Variants in SLC25A6 observed in about 807,000 individuals in gnomAD.
SLC25A6 encodes the protein ADP/ATP translocase 3.
Under a neutral mutation model 25.7 loss-of-function variants are expected in SLC25A6, and 9 were observed. The ratio of observed to expected loss-of-function variants is 0.35; its 90% CI spans 0.21 to 0.61. The LOEUF is 0.61. SLC25A6 is among the 20% of genes least tolerant of loss of function. The pLI is 0.76. For synonymous variants in SLC25A6, 223 were observed against 197.0 expected, an observed-to-expected ratio of 1.13 and a Z score of -1.11; for missense variants, 404 against 440.5, an observed-to-expected ratio of 0.92 and a Z score of 0.74.
At position 1,389,054 on chromosome X, in the gene SLC25A6, GAC is replaced by G. The variant is rs1197313472; in HGVS notation, c.598+185_598+186del. 2.0e-5 allele frequency among the ~76,000 whole-genome samples: 3 copies of G among 151,682 alleles called. No homozygotes were observed. In the South Asian group the frequency reaches 6.2e-4, roughly 31 times the overall value. On this transcript the variant is annotated intron_variant, in intron 2 of 3. Coordinates refer to ENST00000381401, the MANE Select transcript of SLC25A6 (RefSeq NM_001636.4). ...CATAAGAAGAGAGGATGAGGACACA[GAC>G]ACACACAGAGGGATGATGCTGTGAG...
At chrX:1,389,932 G>C (rs1164262216) in intron 1 of SLC25A6, among the ~76,000 whole-genome samples, 1 of 151,906 alleles carries the variant, frequency 6.6e-6, no homozygotes, top group East Asian at 1.9e-4. Context: ...TAATTTTTTT[G>C]CTTATTTAGT....
rs769705864 is a variant in SLC25A6 at position 1,389,448 on chromosome X, C to T, written c.391G>A (p.Val131Met). ...GTTCTGGCGAAATCCAGCGGGTACA[C>T]GAAGCAGAGGGAGGTCGCGCCGGCC... ...GAAGATSLCF[V>M]YPLDFARTRL... The change falls in exon 2 of 4, where the codon GTG becomes ATG. Residue 131 changes from valine to methionine, a missense_variant. Physicochemically the swap from Val to Met is conservative, Grantham distance 21 (BLOSUM62 1). Transcript: ENST00000381401. 11 of 1,613,874 alleles carry T rather than the reference C, an allele frequency of 6.8e-6. No individual in the cohort carries two copies. Among genetic ancestry groups the T allele is most frequent in the Non-Finnish European group, 8.5e-6 (10 of 1,179,916 alleles).
intron 1 of SLC25A6, among the ~76,000 whole-genome samples, chrX:1,390,032 G>C (rs765867085): frequency 6.6e-6 from 1 of 152,010 alleles, no homozygotes; most frequent in East Asian, 1.9e-4. Context: ...TTTTTAAAAA[G>C]ACAAGGTCTC....
chrX:1,389,809 T>C, intron 1 of SLC25A6, 82 bp from the exon 2 acceptor site: 1 of 1,557,884 alleles, frequency 6.4e-7, no homozygotes, highest in South Asian at 1.2e-5. Flanking sequence ...ATCCTTTTTT[T>C]GACACAAGTC....
At chrX:1,387,839 G>A (rs1569529132) in intron 2 of SLC25A6, among the ~76,000 whole-genome samples, 1 of 152,140 alleles carries the variant, frequency 6.6e-6, no homozygotes, top group Admixed American at 6.5e-5. Flanking sequence ...ACTAAAGGAG[G>A]CCAGTAGGGT....
rs11550234 is a variant in SLC25A6, at chrX:1,391,944, G to C, written c.66C>G (p.Ser22=). Residue 22 remains serine, a synonymous_variant, in exon 1 of 4, where the codon TCC becomes TCG. Transcript: ENST00000381401. ...FLAGGIAAAI[S]KTAVAPIERV... ...GCTCGATCGGAGCCACGGCCGTCTT[G>C]GAGATGGCGGCGGCGATGCCTCCGG... 3 of 1,609,902 alleles carry C rather than the reference G, an allele frequency of 1.9e-6. No individual in the cohort carries two copies. In the South Asian group the frequency reaches 3.3e-5, roughly 18 times the overall value.
intron 1 of SLC25A6, among the ~76,000 whole-genome samples, chrX:1,391,651 T>A (rs2089413786): frequency 6.6e-6 from 1 of 152,212 alleles, no homozygotes; most frequent in Non-Finnish European, 1.5e-5. Flanking sequence ...TCAGCGCGCA[T>A]GCGCCCTCCA....
rs778598777 is a variant in SLC25A6, at chrX:1,389,339, G to A, written c.500C>T (p.Ser167Phe). The change falls in exon 2 of 4, where the codon TCC (serine) becomes TTC (phenylalanine). Residue 167 changes from serine to phenylalanine, a missense_variant. By Grantham distance (155) the Ser-to-Phe change is radical. Coordinates refer to ENST00000381401, the MANE Select transcript of SLC25A6 (RefSeq NM_001636.4). ...CTGGTACAGGCCCCGGATGCCGTCG[G>A]ACTTGGTGATCTTCACCAGGCAGTC... ...LGDCLVKITK[S>F]DGIRGLYQGF... is the part of the protein sequence containing the mutation. The A allele has an allele frequency of 1.2e-6, 2 of 1,613,838 alleles. No homozygotes were observed. The highest frequency in any genetic ancestry group is 1.1e-5 in the South Asian group (1 of 91,070).
intron 1 of SLC25A6, among the ~76,000 whole-genome samples, chrX:1,390,562 GGAGA>G (rs1281147434): frequency 6.6e-6 from 1 of 151,138 alleles, no homozygotes; most frequent in East Asian, 1.9e-4. Flanking sequence ...TGGGCGACAG[GGAGA>G]GACTCCATCT....
At position 1,386,720 on chromosome X, in the gene SLC25A6, TTCC is replaced by T; in HGVS notation, c.776_778del (p.Arg259del). The T allele has an allele frequency of 6.2e-7, 1 of 1,612,454 alleles. No homozygotes were observed. Among genetic ancestry groups the T allele is most frequent in the Non-Finnish European group, 8.5e-7 (1 of 1,179,082 alleles). Reference sequence around the variant, plus strand: ...CTTGCCCCCCTCATCTCTGAAGATCTTCCTCCAACAGTCGACGGTGCCCGTGTA... The same window carrying T: ...CTTGCCCCCCTCATCTCTGAAGATCTTCCAACAGTCGACGGTGCCCGTGTA... On this transcript the variant is annotated inframe_deletion, in exon 4 of 4. Transcript: ENST00000381401.
rs746964954 is a variant in SLC25A6 at position 1,387,390 on chromosome X, T to C, written c.628A>G (p.Ile210Val). 14 of 1,613,042 alleles carry C rather than the reference T, an allele frequency of 8.7e-6. No individual in the cohort carries two copies. Among genetic ancestry groups the C allele is most frequent in the African/African-American group, 2.7e-5 (2 of 74,912 alleles). ...TGCGCGATCATCCAGCTCACCACGA[T>C]GTGCGTGTTCTTGGGGTCGGGGAGC... ...GMLPDPKNTH[I>V]VVSWMIAQTV... The change falls in exon 3 of 4, where the codon ATC becomes GTC. Residue 210 changes from isoleucine (I) to valine (V), a missense_variant. Ile to Val is a conservative substitution (Grantham distance 29). Coordinates refer to ENST00000381401, the MANE Select transcript of SLC25A6 (RefSeq NM_001636.4).
Position 1,387,547 on chromosome X carries a change from T to G in SLC25A6, c.599-128A>C, listed in dbSNP as rs1462149318. On this transcript the variant is annotated intron_variant, in intron 2 of 3. Transcript: ENST00000381401. ...CTCTTCCGAGACCACCAGTGCCCCCTCCACGTGGCTGCTCAGTGCCAGCTG... is the reference window on the plus strand; with the variant it reads ...CTCTTCCGAGACCACCAGTGCCCCCGCCACGTGGCTGCTCAGTGCCAGCTG... The G allele has an allele frequency of 4.0e-5, 54 of 1,337,634 alleles. 1 individual carries two copies. Among genetic ancestry groups the G allele is most frequent in the Non-Finnish European group, 5.4e-5 (53 of 982,380 alleles). 82.9% of individuals were successfully genotyped at this position (1,337,634 alleles called of 1,614,324 possible).
chrX:1,392,113 G>C lies in SLC25A6; in HGVS notation c.-104C>G. 1.2e-6 allele frequency: 1 copy of C among 829,470 alleles called. No individual in the cohort carries two copies. Among genetic ancestry groups the C allele is most frequent in the Non-Finnish European group, 1.9e-6 (1 of 513,630 alleles). The allele number at this position is 829,470 out of a possible 1,614,324, so 51.4% of individuals were successfully genotyped here. On this transcript the variant is annotated 5_prime_UTR_variant, in exon 1 of 4. Coordinates refer to ENST00000381401, the MANE Select transcript of SLC25A6 (RefSeq NM_001636.4). ...GCCCTGCCGCCGCCTGGACCGAAAGGACGGAGCAGCCACCGCGCAGCCGCT... is the reference window on the plus strand; with the variant it reads ...GCCCTGCCGCCGCCTGGACCGAAAGCACGGAGCAGCCACCGCGCAGCCGCT...
At chrX:1,390,015 CTTTCTTTTT>C (rs2089381063) in intron 1 of SLC25A6, among the ~76,000 whole-genome samples, 1 of 151,936 alleles carries the variant, frequency 6.6e-6, no homozygotes, top group African/African-American at 2.4e-5. Context: ...GCACCCGGCT[CTTTCTTTTT>C]TTAAAAAGAC....
At chrX:1,390,122 C>T (rs1446305110) in intron 1 of SLC25A6, 2 of 250,220 alleles carry the variant, frequency 8.0e-6, no homozygotes, top group Admixed American at 9.9e-5. Flanking sequence ...GCCATCCTCC[C>T]GCCTCAGTCT....
intron 1 of SLC25A6, 87 bp from the exon 2 acceptor site, chrX:1,389,814 C>G (rs1366801996): frequency 8.4e-6 from 13 of 1,552,864 alleles, no homozygotes; most frequent in African/African-American, 1.4e-5. Flanking sequence ...TTTTTTGACA[C>G]AAGTCACTCT....
At chrX:1,389,180 C>G in intron 2 of SLC25A6, 61 bp downstream of exon 2, 1 of 1,563,802 alleles carries the variant, frequency 6.4e-7, no homozygotes, top group Non-Finnish European at 8.7e-7. Context: ...CCACAGGACC[C>G]TGGGGGAACG....
Position 1,392,105 on chromosome X carries a change from A to T in SLC25A6, c.-96T>A. ...CTGGCTCAGCCCTGCCGCCGCCTGGACCGAAAGGACGGAGCAGCCACCGCG... is the reference window on the plus strand; with the variant it reads ...CTGGCTCAGCCCTGCCGCCGCCTGGTCCGAAAGGACGGAGCAGCCACCGCG... On this transcript the variant is annotated 5_prime_UTR_variant, in exon 1 of 4. Transcript: ENST00000381401. 2.2e-6 allele frequency: 2 copies of T among 890,916 alleles called. No homozygotes were observed. Among genetic ancestry groups the T allele is most frequent in the Non-Finnish European group, 3.5e-6 (2 of 563,992 alleles). The allele number at this position is 890,916 out of a possible 1,614,324, so 55.2% of individuals were successfully genotyped here.
chrX:1,386,578 T>C lies in SLC25A6; in HGVS notation c.*24A>G. On this transcript the variant is annotated 3_prime_UTR_variant, in exon 4 of 4. Transcript: ENST00000381401. ...TCTCTTGGTTCCCCTGGTGTGTGTG[T>C]GTGTGTGGAGGAGGCCGCGGCCCTT... is the stretch of plus-strand genomic sequence containing the variant. 6.6e-7 allele frequency: 1 copy of C among 1,522,626 alleles called. No individual in the cohort carries two copies. Among genetic ancestry groups the C allele is most frequent in the Middle Eastern group, 2.1e-4 (1 of 4,726 alleles). The allele number at this position is 1,522,626 out of a possible 1,614,324, so 94.3% of individuals were successfully genotyped here.
Sources: gnomAD v4.1 joint callset for allele counts (sites outside exome capture counted in the v4.1 genomes callset) on GRCh38, gnomAD v4.1.1 for gene constraint, MANE v1.5 for transcripts, NCBI Gene and HGNC (gene_info 2026-07-23, HGNC 2026-07-21) for gene names.